The following B4GALT6 variants were observed in gnomAD, a reference collection of about 807,000 sequenced individuals.
B4GALT6 encodes beta-1,4-galactosyltransferase 6, also known as UDP-Gal:beta-GlcNAc beta-1,4-galactosyltransferase 6.
A neutral mutation model predicts 46.3 loss-of-function variants in B4GALT6; 14 were observed. The observed-to-expected ratio is 0.30, with a 90% confidence interval of 0.20 to 0.47. B4GALT6 has a LOEUF of 0.47. Among genes scored for constraint, B4GALT6 ranks in the 20% least tolerant of loss-of-function variants. The probability of loss-of-function intolerance (pLI) is 0.99; values close to 1 mark genes in which losing one functional copy is unlikely to be tolerated. For missense variants in B4GALT6, 386 were observed against 480.1 expected (o/e 0.80, Z 1.83); for synonymous variants, 168 against 162.0 (o/e 1.04, Z -0.28).
At chr18:31,650,728 A>C (rs970305743) in intron 3 of B4GALT6, among the ~76,000 whole-genome samples, 2 of 152,182 alleles carry the variant, frequency 1.3e-5, no homozygotes, top group African/African-American at 4.8e-5. Flanking sequence ...TGACTTTTGC[A>C]GTCTAGGGTT....
At chr18:31,655,283 T>TGCCACCATG (rs1345429087) in intron 3 of B4GALT6, among the ~76,000 whole-genome samples, 1 of 152,218 alleles carries the variant, frequency 6.6e-6, no homozygotes. Context: ...CAAATCACCT[T>TGCCACCATG]GCCACCATGG....
chr18:31,625,556 C>T lies in B4GALT6; in HGVS notation c.*58G>A, dbSNP rs554818345. The T allele has an allele frequency of 1.1e-4, 176 of 1,593,050 alleles. No individual in the cohort carries two copies. The East Asian group carries it at 1.7e-3, about 16-fold the overall frequency. The stretch of plus-strand genomic sequence containing the variant: ...GCCAATCACTGACCTCCACTAAGAG[C>T]GCGCTCCAAGTTTATGATCCAGCAT... On this transcript the variant is annotated 3_prime_UTR_variant, in exon 9 of 9. Transcript: ENST00000306851.
chr18:31,631,089 T>C lies in B4GALT6; in HGVS notation c.646A>G (p.Met216Val), dbSNP rs749390292. The C allele has an allele frequency of 6.2e-7, 1 of 1,614,186 alleles. No individual in the cohort carries two copies. The highest frequency in any genetic ancestry group is 8.5e-7 in the Non-Finnish European group (1 of 1,180,024). The part of the protein sequence containing the change: ...MLFNVGFKEA[M>V]KDSVWDCVIF... ...ACACAGTCCCAGACACTGTCTTTCA[T>C]GGCCTCTTTGAAGCCCACATTGAAA... The change falls in exon 6 of 9, where the codon ATG (methionine) becomes GTG (valine). Residue 216 changes from methionine (M) to valine (V), a missense_variant. Coordinates refer to ENST00000306851, the MANE Select transcript of B4GALT6 (RefSeq NM_004775.5).
intron 1 of B4GALT6, among the ~76,000 whole-genome samples, chr18:31,680,005 C>G (rs920505700): frequency 6.6e-6 from 1 of 152,136 alleles, no homozygotes; most frequent in Non-Finnish European, 1.5e-5. Flanking sequence ...TGGACTGCAT[C>G]GCTTTCAAGA....
the B4GALT6 span, among the ~76,000 whole-genome samples, chr18:31,720,157 T>A: frequency 6.6e-6 from 1 of 152,250 alleles, no homozygotes; most frequent in Non-Finnish European, 1.5e-5. Context: ...CAAGGACAGC[T>A]TAAAGGTTAG....
the B4GALT6 span, among the ~76,000 whole-genome samples, chr18:31,694,929 T>C: frequency 6.6e-6 from 1 of 152,212 alleles, no homozygotes; most frequent in African/African-American, 2.4e-5. Context: ...ATGAATTGCA[T>C]AGTGATTAAT....
the B4GALT6 span, among the ~76,000 whole-genome samples, chr18:31,706,676 A>G: frequency 2.0e-5 from 3 of 152,098 alleles, no homozygotes; most frequent in East Asian, 5.8e-4. Flanking sequence ...ACTTCTAAAG[A>G]CTCTCTTCAT....
At chr18:31,656,333 A>T (rs1344354332) in intron 3 of B4GALT6, among the ~76,000 whole-genome samples, 2 of 152,226 alleles carry the variant, frequency 1.3e-5, no homozygotes, top group East Asian at 3.8e-4. Context: ...AAAGATGTTT[A>T]TTTAAATCTT....
rs1409626581 is a variant in B4GALT6 at position 31,684,503 on chromosome 18, A to G, written c.-77T>C. ...GCCACTGTCCAGGCCCTAAACTTCC[A>G]TAAATGTGCTGAGAACCCCGAGACT... On this transcript the variant is annotated 5_prime_UTR_variant, in exon 1 of 9. It removes an upstream start codon present in the reference 5' UTR. Coordinates refer to ENST00000306851, the MANE Select transcript of B4GALT6 (RefSeq NM_004775.5). 1 of 1,559,978 alleles carries G rather than the reference A, an allele frequency of 6.4e-7. No homozygotes were observed. The highest frequency in any genetic ancestry group is 8.7e-7 in the Non-Finnish European group (1 of 1,153,496).
At position 31,670,302 on chromosome 18, in the gene B4GALT6, G is replaced by A. The variant is rs369108384; in HGVS notation, c.116-3930C>T. 1.2e-4 allele frequency among the ~76,000 whole-genome samples: 19 copies of A among 152,196 alleles called. No individual in the cohort carries two copies. The East Asian group carries it at 2.9e-3, about 23-fold the overall frequency. On this transcript the variant is annotated intron_variant, in intron 1 of 8. Coordinates refer to ENST00000306851, the MANE Select transcript of B4GALT6 (RefSeq NM_004775.5). ...ACTCCTGAGCTCAGGCAATCCGCCC[G>A]CCTCAGCCTCTCAAAGTGGTGGGAT...
intron 3 of B4GALT6, among the ~76,000 whole-genome samples, chr18:31,654,046 T>C (rs1324777894): frequency 6.6e-6 from 1 of 152,188 alleles, no homozygotes; most frequent in African/African-American, 2.4e-5. Context: ...TTTAAATCCA[T>C]CTCAAGAAGT....
At chr18:31,677,724 A>C (rs1477238602) in intron 1 of B4GALT6, among the ~76,000 whole-genome samples, 1 of 152,232 alleles carries the variant, frequency 6.6e-6, no homozygotes, top group African/African-American at 2.4e-5. Flanking sequence ...TTAAAAAGAA[A>C]ACACGAAACA....
chr18:31,622,972 T>C lies in B4GALT6; in HGVS notation c.*2642A>G, dbSNP rs1300408517. ...CCCTAGGTCCACATATACGGGTTTC[T>C]TGACTTTGAGACTAGGAAATACAAC... On this transcript the variant is annotated 3_prime_UTR_variant, in exon 9 of 9. Coordinates refer to ENST00000306851, the MANE Select transcript of B4GALT6 (RefSeq NM_004775.5). 1 of 152,094 alleles carries C rather than the reference T, an allele frequency of 6.6e-6. No homozygotes were observed. Among genetic ancestry groups the C allele is most frequent in the African/African-American group, 2.4e-5 (1 of 41,440 alleles). 9.4% of individuals were successfully genotyped at this position (152,094 alleles called of 1,614,324 possible). A position where few individuals can be genotyped will look rare whatever the true frequency, so the allele number is the denominator to read the frequency against.
chr18:31,701,327 G>C, the B4GALT6 span, among the ~76,000 whole-genome samples: 1 of 152,258 alleles, frequency 6.6e-6, no homozygotes. Flanking sequence ...AGACATTCCT[G>C]CTTCTCCTGC....
At chr18:31,635,214 A>C (rs2073842784) in intron 5 of B4GALT6, among the ~76,000 whole-genome samples, 1 of 151,878 alleles carries the variant, frequency 6.6e-6, no homozygotes, top group South Asian at 2.1e-4. Flanking sequence ...CTGGCGACAG[A>C]GCGAGACTCC....
rs150553809 is a variant in B4GALT6, at chr18:31,660,229, G to A, written c.233-2140C>T. ...CTCCCAAAGTGCTGGGATTACAGGC[G>A]TGAGCCACCATGCCTGGCCTGATTC... On this transcript the variant is annotated intron_variant, in intron 2 of 8. Transcript: ENST00000306851. Among the ~76,000 whole-genome samples, 871 of 152,030 alleles carry A rather than the reference G, an allele frequency of 5.7e-3. 9 individuals carry two copies. The highest frequency in any genetic ancestry group is 0.02 in the African/African-American group (823 of 41,462).
intron 2 of B4GALT6, among the ~76,000 whole-genome samples, chr18:31,660,967 G>C (rs2074206269): frequency 6.6e-6 from 1 of 152,192 alleles, no homozygotes; most frequent in South Asian, 2.1e-4. Context: ...CACTGGAAGA[G>C]AGAAGACAAT....
chr18:31,647,801 A>G (rs1468912708), intron 3 of B4GALT6, among the ~76,000 whole-genome samples: 1 of 152,146 alleles, frequency 6.6e-6, no homozygotes, highest in Non-Finnish European at 1.5e-5. Flanking sequence ...GCCAGGAAGA[A>G]GTATGCTGCA....
the B4GALT6 span, among the ~76,000 whole-genome samples, chr18:31,716,151 G>C: frequency 1.3e-5 from 2 of 152,132 alleles, no homozygotes; most frequent in Non-Finnish European, 2.9e-5. Flanking sequence ...GAGAGAAAAA[G>C]AGAAGAGAAT....
Sources: gnomAD v4.1 joint callset for allele counts (sites outside exome capture counted in the v4.1 genomes callset) on GRCh38, gnomAD v4.1.1 for gene constraint, MANE v1.5 for transcripts, NCBI Gene and HGNC (gene_info 2026-07-23, HGNC 2026-07-21) for gene names.